The following PTCHD4 variants were observed in gnomAD, a reference collection of about 807,000 sequenced individuals.
PTCHD4 encodes patched domain containing 4.
In PTCHD4, 33 loss-of-function variants were observed where a neutral mutation model predicts 58.1. The ratio of observed to expected loss-of-function variants is 0.57; its 90% CI spans 0.43 to 0.76. PTCHD4 has a LOEUF of 0.76. PTCHD4 is among the 30% of genes least tolerant of loss of function. The pLI is 0.00. For missense variants in PTCHD4, 1,058 were observed against 1,027.1 expected (o/e 1.03, Z -0.41); for synonymous variants, 478 against 409.6 (o/e 1.17, Z -2.02).
intron 4 of PTCHD4, among the ~76,000 whole-genome samples, chr6:47,917,282 T>A (rs559394153): frequency 6.6e-6 from 1 of 152,134 alleles, no homozygotes; most frequent in Non-Finnish European, 1.5e-5. Flanking sequence ...GAAATTCCCA[T>A]GCCACAAAGA....
At chr6:47,915,261 C>CAT (rs55894250) in intron 4 of PTCHD4, among the ~76,000 whole-genome samples, 86,167 of 151,806 alleles carry the variant, frequency 0.57, 25,699 homozygotes, top group East Asian at 0.78. Context: ...AAGAAAATGA[C>CAT]ATTTATTTTG....
intron 4 of PTCHD4, among the ~76,000 whole-genome samples, chr6:47,912,358 T>C (rs77046120): frequency 0.01 from 1,585 of 151,740 alleles, 33 homozygotes; most frequent in African/African-American, 0.035. Context: ...CCTGTAATTC[T>C]GGGCCAGAAG....
rs1561928223 is a variant in PTCHD4, at chr6:47,868,191, T to C, written c.*10112A>G. 6.6e-6 allele frequency among the ~76,000 whole-genome samples: 1 copy of C among 150,982 alleles called. No homozygotes were observed. The highest frequency in any genetic ancestry group is 1.5e-5 in the Non-Finnish European group (1 of 67,604). The stretch of plus-strand genomic sequence containing the variant: ...TTTTAAAATTTTTTCTCACTTTACC[T>C]TTTTTTTTAAAAAAACACCCTTGTC... On this transcript the variant is annotated 3_prime_UTR_variant, in exon 5 of 5. Coordinates refer to ENST00000339488, the MANE Select transcript of PTCHD4 (RefSeq NM_001384253.1).
chr6:47,989,531 G>T (rs775983508), intron 4 of PTCHD4, among the ~76,000 whole-genome samples: 19 of 152,148 alleles, frequency 1.2e-4, no homozygotes, highest in Non-Finnish European at 2.4e-4. Context: ...CTAGGTACTT[G>T]GTTCCCTGCA....
intron 3 of PTCHD4, among the ~76,000 whole-genome samples, chr6:48,018,593 A>G (rs1470631459): frequency 6.6e-6 from 1 of 152,214 alleles, no homozygotes; most frequent in Admixed American, 6.5e-5. Context: ...TTACCTAGAT[A>G]TAAATCACCT....
chr6:47,996,544 C>T (rs565161152), intron 4 of PTCHD4, among the ~76,000 whole-genome samples: 2 of 152,220 alleles, frequency 1.3e-5, no homozygotes, highest in East Asian at 3.9e-4. Context: ...AGTTGGAGAA[C>T]AGCTAGCAGA....
intron 4 of PTCHD4, among the ~76,000 whole-genome samples, chr6:47,904,615 T>C (rs1764817862): frequency 6.6e-6 from 1 of 152,196 alleles, no homozygotes; most frequent in Non-Finnish European, 1.5e-5. Flanking sequence ...GAGCAAACCA[T>C]TACAATTGTG....
At chr6:48,027,401 C>A (rs1391208863) in intron 3 of PTCHD4, among the ~76,000 whole-genome samples, 1 of 151,874 alleles carries the variant, frequency 6.6e-6, no homozygotes, top group Non-Finnish European at 1.5e-5. Context: ...ATAACATAAA[C>A]AAATTTTAAT....
intron 4 of PTCHD4, among the ~76,000 whole-genome samples, chr6:47,911,130 A>G: frequency 6.6e-6 from 1 of 152,082 alleles, no homozygotes; most frequent in East Asian, 1.9e-4. Flanking sequence ...TATATTCCCA[A>G]AGGTTCCTTG....
chr6:48,070,823 T>C (rs887832327), intron 1 of PTCHD4, among the ~76,000 whole-genome samples: 1 of 152,232 alleles, frequency 6.6e-6, no homozygotes, highest in African/African-American at 2.4e-5. Context: ...ATTCCATTAG[T>C]GACACATGAT....
chr6:48,062,207 A>G (rs1028605795), intron 3 of PTCHD4, among the ~76,000 whole-genome samples: 6 of 152,232 alleles, frequency 3.9e-5, no homozygotes, highest in Non-Finnish European at 7.3e-5. Context: ...AGATTAAGAA[A>G]ATAAAAACGG....
intron 3 of PTCHD4, among the ~76,000 whole-genome samples, chr6:48,048,866 T>C (rs566851641): frequency 6.6e-6 from 1 of 152,112 alleles, no homozygotes; most frequent in East Asian, 1.9e-4. Context: ...TGAGTGTTTC[T>C]TAGTGGCTTT....
intron 3 of PTCHD4, among the ~76,000 whole-genome samples, chr6:48,067,524 A>C (rs1209670914): frequency 1.3e-5 from 2 of 152,118 alleles, no homozygotes; most frequent in Admixed American, 1.3e-4. Flanking sequence ...ACACCCATAC[A>C]CATCATTCCT....
intron 4 of PTCHD4, among the ~76,000 whole-genome samples, chr6:47,956,517 T>C (rs1766866991): frequency 1.3e-5 from 2 of 151,976 alleles, no homozygotes; most frequent in Admixed American, 1.3e-4. Flanking sequence ...TACTGCAAGC[T>C]CCACCTCCTG....
intron 4 of PTCHD4, among the ~76,000 whole-genome samples, chr6:47,941,008 C>T (rs549229275): frequency 6.6e-6 from 1 of 152,158 alleles, no homozygotes; most frequent in African/African-American, 2.4e-5. Flanking sequence ...CTTGGCCTGC[C>T]TACACAGCCA....
At chr6:47,934,960 C>T (rs1765948209) in intron 4 of PTCHD4, among the ~76,000 whole-genome samples, 1 of 151,982 alleles carries the variant, frequency 6.6e-6, no homozygotes, top group Non-Finnish European at 1.5e-5. Context: ...TTTCTTCCAC[C>T]CATGTCTAAA....
chr6:48,097,909 G>T (rs1287617945), intron 1 of PTCHD4, among the ~76,000 whole-genome samples: 1 of 152,146 alleles, frequency 6.6e-6, no homozygotes, highest in Non-Finnish European at 1.5e-5. Context: ...GAATGAGAGG[G>T]TACAGGTGTC....
intron 1 of PTCHD4, among the ~76,000 whole-genome samples, chr6:48,074,718 A>G (rs922515404): frequency 1.3e-5 from 2 of 152,194 alleles, no homozygotes; most frequent in Non-Finnish European, 2.9e-5. Flanking sequence ...AGGAAGAAGC[A>G]TGATAAGATG....
chr6:48,079,701 T>G (rs940499096), intron 1 of PTCHD4, among the ~76,000 whole-genome samples: 2 of 151,542 alleles, frequency 1.3e-5, no homozygotes, highest in Non-Finnish European at 2.9e-5. Context: ...GACCAGTGTT[T>G]AGTCTATTTT....
Sources: allele counts gnomAD v4.1 joint callset (sites outside exome capture counted in the v4.1 genomes callset), GRCh38; gene constraint gnomAD v4.1.1; transcripts MANE v1.5; gene names NCBI Gene and HGNC (gene_info 2026-07-23, HGNC 2026-07-21).